The following DNAH12 variants were observed in gnomAD, a reference collection of about 807,000 sequenced individuals.
DNAH12 encodes the protein axonemal beta dynein heavy chain 12.
In DNAH12, 285 loss-of-function variants were observed where a neutral mutation model predicts 371.5. That is an observed-to-expected ratio of 0.77 (90% CI 0.70 to 0.85). The LOEUF is 0.85. Among genes scored for constraint, DNAH12 ranks in the 40% least tolerant of loss-of-function variants. The probability of loss-of-function intolerance (pLI) is 0.00; values close to 1 mark genes in which losing one functional copy is unlikely to be tolerated. For synonymous variants in DNAH12, 1,200 were observed against 1,213.0 expected, an observed-to-expected ratio of 0.99 and a Z score of 0.22; for missense variants, 3,611 against 3,689.4, an observed-to-expected ratio of 0.98 and a Z score of 0.55.
chr3:57,541,813 C>A (rs537011180), intron 2 of DNAH12, among the ~76,000 whole-genome samples: 1 of 151,826 alleles, frequency 6.6e-6, no homozygotes, highest in South Asian at 2.1e-4. Context: ...ATTAATAGAC[C>A]TGTTTAATTG....
chr3:57,380,156 A>G (rs2063359434), intron 51 of DNAH12, 122 bp downstream of exon 51: 1 of 152,098 alleles, frequency 6.6e-6, no homozygotes, highest in African/African-American at 2.4e-5. Flanking sequence ...ATATCTCTTT[A>G]TTAATTATCT....
At chr3:57,338,041 C>T (rs1553654382) in intron 60 of DNAH12, among the ~76,000 whole-genome samples, 1 of 152,198 alleles carries the variant, frequency 6.6e-6, no homozygotes, top group Admixed American at 6.5e-5. Flanking sequence ...TTTCCACGGT[C>T]TCCCTCTGTT....
chr3:57,389,987 C>CT (rs2063581403), intron 45 of DNAH12, among the ~76,000 whole-genome samples: 1 of 149,970 alleles, frequency 6.7e-6, no homozygotes, highest in African/African-American at 2.4e-5. Flanking sequence ...AGGCGTGCAC[C>CT]ACCACACTGA....
At position 57,359,428 on chromosome 3, in the gene DNAH12, G is replaced by A. The variant is rs949932345; in HGVS notation, c.9361-2080C>T. Among the ~76,000 whole-genome samples the A allele has an allele frequency of 3.7e-3, 556 of 151,512 alleles. 7 individuals carry two copies. Among genetic ancestry groups the A allele is most frequent in the African/African-American group, 0.013 (528 of 41,380 alleles). ...TACAAAATTAGCCGGACGTGGTGGC[G>A]CATGCCTGTAATCCCAGCTACTCCA... On this transcript the variant is annotated intron_variant, in intron 58 of 73. Transcript: ENST00000495027.
At chr3:57,416,621 G>A (rs954404098) in intron 37 of DNAH12, among the ~76,000 whole-genome samples, 2 of 152,126 alleles carry the variant, frequency 1.3e-5, no homozygotes, top group African/African-American at 2.4e-5. Context: ...GTTTCCCAGT[G>A]ATCTCAATAG....
Position 57,452,873 on chromosome 3 carries a change from C to A in DNAH12, c.3756G>T (p.Thr1252=). Residue 1252 remains threonine (T), a synonymous_variant, in exon 25 of 74, where the codon ACG becomes ACT. Transcript: ENST00000495027. ...YLGNSPRLVI[T]PLTDRCYRTL... is the part of the protein sequence containing the mutation. Reference sequence around the variant, plus strand: ...TTCTGTAACACCTGTCAGTTAGAGGCGTAATGACAAGTCGAGGTGAGTTAC... The same window carrying A: ...TTCTGTAACACCTGTCAGTTAGAGGAGTAATGACAAGTCGAGGTGAGTTAC... The A allele has an allele frequency of 6.5e-7, 1 of 1,549,844 alleles. No homozygotes were observed. Among genetic ancestry groups the A allele is most frequent in the Non-Finnish European group, 8.7e-7 (1 of 1,146,536 alleles).
the DNAH12 span, among the ~76,000 whole-genome samples, chr3:57,550,455 A>T: frequency 6.6e-5 from 10 of 152,008 alleles, no homozygotes; most frequent in Non-Finnish European, 1.5e-4. Context: ...CAGTTTTTAA[A>T]TTTTTTCTCC....
chr3:57,543,889 A>C (rs1321512924), intron 1 of DNAH12, among the ~76,000 whole-genome samples: 1 of 151,874 alleles, frequency 6.6e-6, no homozygotes, highest in Non-Finnish European at 1.5e-5. Flanking sequence ...TCTACTAAAA[A>C]TACAAAAATT....
intron 60 of DNAH12, among the ~76,000 whole-genome samples, chr3:57,350,980 G>A (rs1447850177): frequency 1.3e-5 from 2 of 151,976 alleles, no homozygotes; most frequent in Admixed American, 6.6e-5. Context: ...AATATAAAAC[G>A]TTGGTGGGGG....
chr3:57,524,579 T>A (rs1448448489), intron 2 of DNAH12, among the ~76,000 whole-genome samples: 3 of 151,956 alleles, frequency 2.0e-5, no homozygotes, highest in Non-Finnish European at 4.4e-5. Context: ...CAAGGACTGA[T>A]GAACTGTTTA....
intron 38 of DNAH12, among the ~76,000 whole-genome samples, chr3:57,414,515 A>C (rs763861114): frequency 5.3e-5 from 8 of 152,148 alleles, no homozygotes; most frequent in Non-Finnish European, 1.0e-4. Flanking sequence ...CCCAATAGGC[A>C]GTTTTTCAAT....
chr3:57,432,066 C>T (rs535164081), intron 32 of DNAH12, among the ~76,000 whole-genome samples: 1 of 151,980 alleles, frequency 6.6e-6, no homozygotes, highest in South Asian at 2.1e-4. Context: ...CTTCCTGCTT[C>T]TTCTCTATTT....
At chr3:57,488,425 C>T (rs1401383741) in intron 12 of DNAH12, among the ~76,000 whole-genome samples, 1 of 152,074 alleles carries the variant, frequency 6.6e-6, no homozygotes, top group Admixed American at 6.6e-5. Context: ...AACTCCTGAC[C>T]TCGTGATTCG....
chr3:57,465,797 A>G (rs2066182045), intron 17 of DNAH12, among the ~76,000 whole-genome samples: 3 of 152,192 alleles, frequency 2.0e-5, no homozygotes, highest in African/African-American at 7.2e-5. Flanking sequence ...GGCATAGGTA[A>G]GTTAAAACAG....
chr3:57,442,681 T>A (rs1409099427), intron 29 of DNAH12, among the ~76,000 whole-genome samples: 2 of 152,294 alleles, frequency 1.3e-5, no homozygotes, highest in Middle Eastern at 3.4e-3. Flanking sequence ...TTCATAAGAG[T>A]ACATAAGAGT....
chr3:57,503,701 G>A (rs2067644462), intron 9 of DNAH12, among the ~76,000 whole-genome samples: 1 of 152,034 alleles, frequency 6.6e-6, no homozygotes, highest in African/African-American at 2.4e-5. Flanking sequence ...AATATTTATT[G>A]ACAAAGTAAT....
At chr3:57,448,880 G>A in intron 25 of DNAH12, among the ~76,000 whole-genome samples, 1 of 149,434 alleles carries the variant, frequency 6.7e-6, no homozygotes. Context: ...TAAACACAGG[G>A]TGCTGATTGG....
At chr3:57,379,357 G>GA (rs1201108981) in intron 51 of DNAH12, 59 bp from the exon 52 acceptor site, 1 of 151,826 alleles carries the variant, frequency 6.6e-6, no homozygotes, top group Non-Finnish European at 1.5e-5. Flanking sequence ...TCATCAGATG[G>GA]AAAAAAATCA....
At chr3:57,402,093 CAA>C (rs1437044064) in intron 43 of DNAH12, among the ~76,000 whole-genome samples, 13 of 152,228 alleles carry the variant, frequency 8.5e-5, no homozygotes, top group Admixed American at 3.3e-4. Flanking sequence ...GACAATGCAT[CAA>C]AAGTTTTCCT....
Sources: gnomAD v4.1 joint callset for allele counts (sites outside exome capture counted in the v4.1 genomes callset) on GRCh38, gnomAD v4.1.1 for gene constraint, MANE v1.5 for transcripts, NCBI Gene and HGNC (gene_info 2026-07-23, HGNC 2026-07-21) for gene names.